MAN1A1: variants seen among roughly 807,000 people sequenced by gnomAD.
MAN1A1 encodes mannosidase alpha class 1A member 1.
MAN1A1 carries 29 observed loss-of-function variants against 70.8 expected under a neutral mutation model. That is an observed-to-expected ratio of 0.41 (90% CI 0.31 to 0.56). The LOEUF (loss-of-function observed/expected upper bound fraction) is 0.56, where lower values mean the gene tolerates loss of function less well. MAN1A1 is among the 20% of genes least tolerant of loss of function. MAN1A1 has a pLI of 0.29. For synonymous variants in MAN1A1, 349 were observed against 330.1 expected (o/e 1.06, Z -0.62); for missense variants, 747 against 841.3 (o/e 0.89, Z 1.39).
chr6:119,186,963 A>C (rs186328781), intron 11 of MAN1A1, among the ~76,000 whole-genome samples: 47 of 152,340 alleles, frequency 3.1e-4, no homozygotes, highest in Admixed American at 2.9e-3. Flanking sequence ...TTCAGGTCAT[A>C]TATTATGTTA....
intron 9 of MAN1A1, among the ~76,000 whole-genome samples, chr6:119,192,359 T>C (rs898033408): frequency 6.6e-6 from 1 of 152,196 alleles, no homozygotes; most frequent in Non-Finnish European, 1.5e-5. Flanking sequence ...TTGCTTTTGA[T>C]GTTAATCATG....
At chr6:119,349,923 C>T (rs1193813407), upstream of MAN1A1, among the ~76,000 whole-genome samples, 1 of 151,800 alleles carries the variant, frequency 6.6e-6, no homozygotes, top group East Asian at 1.9e-4. Context: ...GAAGCGCAGC[C>T]TCGGCGGGGC....
chr6:119,179,773 G>C lies in MAN1A1; in HGVS notation c.*46C>G. On this transcript the variant is annotated 3_prime_UTR_variant, in exon 13 of 13. Coordinates refer to ENST00000368468, the MANE Select transcript of MAN1A1 (RefSeq NM_005907.4). Reference sequence around the variant, plus strand: ...GATTACCAGAAAAGGAATTATTAAGGTATACAGTGAAGGGAATGGAGCAGA... The same window carrying C: ...GATTACCAGAAAAGGAATTATTAAGCTATACAGTGAAGGGAATGGAGCAGA... The C allele has an allele frequency of 1.3e-6, 2 of 1,549,480 alleles. No homozygotes were observed. Among genetic ancestry groups the C allele is most frequent in the Non-Finnish European group, 1.8e-6 (2 of 1,125,468 alleles).
intron 6 of MAN1A1, among the ~76,000 whole-genome samples, chr6:119,226,150 C>G (rs933538006): frequency 6.6e-6 from 1 of 152,100 alleles, no homozygotes; most frequent in Non-Finnish European, 1.5e-5. Flanking sequence ...AGAAAAGAAA[C>G]TAATATGAAG....
At chr6:119,273,423 G>A (rs756243829) in intron 5 of MAN1A1, among the ~76,000 whole-genome samples, 42 of 152,158 alleles carry the variant, frequency 2.8e-4, no homozygotes, top group Middle Eastern at 3.4e-3. Flanking sequence ...ACTTGCCCAT[G>A]CCCTTGAATA....
At chr6:119,290,915 T>G in intron 4 of MAN1A1, 152 bp from the exon 5 acceptor site, 1 of 580,648 alleles carries the variant, frequency 1.7e-6, no homozygotes, top group Non-Finnish European at 3.0e-6. Flanking sequence ...CTTTTAAAAT[T>G]AAGGTATTAA....
intron 9 of MAN1A1, among the ~76,000 whole-genome samples, chr6:119,190,866 C>G (rs930040041): frequency 5.9e-5 from 9 of 152,140 alleles, no homozygotes; most frequent in African/African-American, 2.2e-4. Context: ...TCCAATTACT[C>G]TAACAGAAAA....
chr6:119,271,675 T>C (rs1478472806), intron 5 of MAN1A1, among the ~76,000 whole-genome samples: 1 of 151,998 alleles, frequency 6.6e-6, no homozygotes, highest in Non-Finnish European at 1.5e-5. Flanking sequence ...ATTTTTTTTT[T>C]GTATTTTTAG....
intron 6 of MAN1A1, among the ~76,000 whole-genome samples, chr6:119,235,653 C>T (rs937186643): frequency 2.0e-5 from 3 of 152,134 alleles, no homozygotes; most frequent in African/African-American, 7.2e-5. Flanking sequence ...TGTTAGTGGC[C>T]ACACTAACAC....
At chr6:119,193,191 G>A (rs1376870033) in intron 9 of MAN1A1, among the ~76,000 whole-genome samples, 3 of 150,730 alleles carry the variant, frequency 2.0e-5, no homozygotes, top group East Asian at 1.9e-4. Flanking sequence ...CAACTCCACC[G>A]CTTCATTTAA....
At chr6:119,207,614 C>T (rs1773907455) in intron 6 of MAN1A1, among the ~76,000 whole-genome samples, 1 of 152,190 alleles carries the variant, frequency 6.6e-6, no homozygotes, top group Admixed American at 6.5e-5. Flanking sequence ...AAGCTTTGGT[C>T]ACTCACAGAT....
intron 6 of MAN1A1, among the ~76,000 whole-genome samples, chr6:119,234,978 A>C (rs1774801179): frequency 6.6e-6 from 1 of 152,110 alleles, no homozygotes; most frequent in Admixed American, 6.6e-5. Context: ...CTGTGATCAG[A>C]TGGTACAATT....
chr6:119,240,018 T>A (rs1020599483), intron 6 of MAN1A1, among the ~76,000 whole-genome samples: 1 of 152,240 alleles, frequency 6.6e-6, no homozygotes, highest in African/African-American at 2.4e-5. Flanking sequence ...AAAATAACTA[T>A]AATTGTCCTT....
Position 119,302,114 on chromosome 6 carries a change from C to T in MAN1A1, c.701-11G>A. 7.7e-7 allele frequency: 1 copy of T among 1,304,446 alleles called. No individual in the cohort carries two copies. Among genetic ancestry groups the T allele is most frequent in the Non-Finnish European group, 1.1e-6 (1 of 911,236 alleles). 80.8% of individuals were successfully genotyped at this position (1,304,446 alleles called of 1,614,324 possible). A position where few individuals can be genotyped will look rare whatever the true frequency, so the allele number is the denominator to read the frequency against. On this transcript the variant is annotated splice_polypyrimidine_tract_variant and intron_variant, in intron 3 of 12. Transcript: ENST00000368468. The stretch of plus-strand genomic sequence containing the variant: ...CTCCTTTGATGTTACCTGAAAAGAT[C>T]AGAAAAATATTTGATAAAATACTTT...
At chr6:119,270,506 C>T (rs1289801430) in intron 5 of MAN1A1, among the ~76,000 whole-genome samples, 2 of 152,176 alleles carry the variant, frequency 1.3e-5, no homozygotes, top group Non-Finnish European at 2.9e-5. Flanking sequence ...TGTGCATCAG[C>T]AGTCACTCCC....
intron 4 of MAN1A1, among the ~76,000 whole-genome samples, chr6:119,297,209 G>C (rs1772239581): frequency 6.6e-6 from 1 of 152,130 alleles, no homozygotes; most frequent in Non-Finnish European, 1.5e-5. Flanking sequence ...TCTGGAAATA[G>C]GTTAGGTAAT....
intron 6 of MAN1A1, among the ~76,000 whole-genome samples, chr6:119,241,087 A>C (rs1774991024): frequency 6.6e-6 from 1 of 152,158 alleles, no homozygotes; most frequent in Non-Finnish European, 1.5e-5. Context: ...TTTCTAATTA[A>C]AAATGCTTAT....
chr6:119,206,408 G>A (rs1206473845), intron 6 of MAN1A1, among the ~76,000 whole-genome samples: 1 of 152,172 alleles, frequency 6.6e-6, no homozygotes, highest in East Asian at 1.9e-4. Flanking sequence ...GAGGAAGAGA[G>A]AAACCATGAG....
chr6:119,342,910 T>A (rs1468654845), intron 2 of MAN1A1, among the ~76,000 whole-genome samples: 1 of 152,134 alleles, frequency 6.6e-6, no homozygotes, highest in African/African-American at 2.4e-5. Context: ...ACTCTCTTCT[T>A]CTCTCCCTTC....
Sources: gnomAD v4.1 joint callset for allele counts (sites outside exome capture counted in the v4.1 genomes callset) on GRCh38, gnomAD v4.1.1 for gene constraint, MANE v1.5 for transcripts, NCBI Gene and HGNC (gene_info 2026-07-23, HGNC 2026-07-21) for gene names.